SAMSN1: variants seen among roughly 807,000 people sequenced by gnomAD.
SAMSN1 encodes SAM domain, SH3 domain and nuclear localization signals 1.
A neutral mutation model predicts 42.0 loss-of-function variants in SAMSN1; 31 were observed. That is an observed-to-expected ratio of 0.74 (90% CI 0.55 to 1.00). The LOEUF is 1.00. Ranked by LOEUF, SAMSN1 falls within the 50% of genes least tolerant of loss-of-function variation. The probability of loss-of-function intolerance (pLI) is 0.00; values close to 1 mark genes in which losing one functional copy is unlikely to be tolerated. For synonymous variants in SAMSN1, 178 were observed against 151.9 expected (o/e 1.17, Z -1.26); for missense variants, 464 against 439.4 (o/e 1.06, Z -0.50).
intron 2 of SAMSN1, among the ~76,000 whole-genome samples, chr21:14,574,874 G>A (rs1434180479): frequency 6.6e-6 from 1 of 151,958 alleles, no homozygotes; most frequent in Non-Finnish European, 1.5e-5. Context: ...TATTCTACAA[G>A]CTCTTCTTTA....
chr21:14,520,461 T>C (rs1978384000), intron 2 of SAMSN1, among the ~76,000 whole-genome samples: 1 of 152,200 alleles, frequency 6.6e-6, no homozygotes, highest in Admixed American at 6.5e-5. Context: ...ACTCAGGAAA[T>C]TTGGAATTGT....
chr21:14,550,660 C>T (rs1003508083), upstream of SAMSN1, among the ~76,000 whole-genome samples: 1 of 152,034 alleles, frequency 6.6e-6, no homozygotes. Context: ...ATTCAACTAA[C>T]AAGGATGAGG....
At chr21:14,575,955 T>C (rs1185873529) in intron 2 of SAMSN1, among the ~76,000 whole-genome samples, 4 of 152,142 alleles carry the variant, frequency 2.6e-5, no homozygotes, top group East Asian at 1.9e-4. Flanking sequence ...ACTTCACTAC[T>C]GTTTATCAAA....
intron 2 of SAMSN1, among the ~76,000 whole-genome samples, chr21:14,557,408 G>A (rs764323896): frequency 3.3e-5 from 5 of 152,150 alleles, no homozygotes; most frequent in Non-Finnish European, 5.9e-5. Context: ...AGGGACAAAG[G>A]TAGAAAGCCT....
At chr21:14,580,666 T>C (rs182600580) in intron 2 of SAMSN1, among the ~76,000 whole-genome samples, 2 of 152,370 alleles carry the variant, frequency 1.3e-5, no homozygotes, top group South Asian at 2.1e-4. Context: ...ATATTTACTA[T>C]GGCACTTTGA....
At chr21:14,556,561 T>C (rs1252460063) in intron 2 of SAMSN1, among the ~76,000 whole-genome samples, 2 of 152,182 alleles carry the variant, frequency 1.3e-5, no homozygotes, top group African/African-American at 4.8e-5. Flanking sequence ...CCTTTTCTTT[T>C]TAACATAAAG....
rs2123623515 is a variant in SAMSN1, at chr21:14,485,639, T to C, written c.*273A>G. On this transcript the variant is annotated 3_prime_UTR_variant, in exon 8 of 8. Coordinates refer to ENST00000400566, the MANE Select transcript of SAMSN1 (RefSeq NM_022136.5). ...GTAAAATAAAGCCAAATAAAGCATATGTCACACATACCAAAGTCTTACATT... is the reference window on the plus strand; with the variant it reads ...GTAAAATAAAGCCAAATAAAGCATACGTCACACATACCAAAGTCTTACATT... The C allele has an allele frequency of 3.7e-6, 1 of 271,456 alleles. No homozygotes were observed. The highest frequency in any genetic ancestry group is 6.5e-5 in the South Asian group (1 of 15,444). 16.8% of individuals were successfully genotyped at this position (271,456 alleles called of 1,614,324 possible). A position where few individuals can be genotyped will look rare whatever the true frequency, so the allele number is the denominator to read the frequency against.
chr21:14,532,216 A>G (rs1217815505), intron 1 of SAMSN1, among the ~76,000 whole-genome samples: 1 of 152,158 alleles, frequency 6.6e-6, no homozygotes, highest in African/African-American at 2.4e-5. Flanking sequence ...AACTGACAGA[A>G]AGTTCTTTTT....
chr21:14,576,428 C>T (rs1011074613), intron 2 of SAMSN1, among the ~76,000 whole-genome samples: 1 of 152,122 alleles, frequency 6.6e-6, no homozygotes, highest in Non-Finnish European at 1.5e-5. Flanking sequence ...CCAGTTACCT[C>T]GTCTGTCTCC....
intron 5 of SAMSN1, among the ~76,000 whole-genome samples, chr21:14,607,629 C>A (rs568942822): frequency 6.6e-6 from 1 of 152,316 alleles, no homozygotes; most frequent in Admixed American, 6.5e-5. Context: ...GCCTTTCTTT[C>A]TTCCTTCTCT....
intron 4 of SAMSN1, among the ~76,000 whole-genome samples, chr21:14,610,760 G>A (rs1438935531): frequency 6.6e-6 from 1 of 152,172 alleles, no homozygotes; most frequent in African/African-American, 2.4e-5. Context: ...CCCCATATCA[G>A]GGAGTTCTAG....
At chr21:14,570,716 C>G (rs1981272807) in intron 2 of SAMSN1, among the ~76,000 whole-genome samples, 1 of 152,172 alleles carries the variant, frequency 6.6e-6, no homozygotes, top group South Asian at 2.1e-4. Flanking sequence ...TAGTTCACGC[C>G]ACCATCATCT....
At chr21:14,506,329 T>C (rs1987403181) in intron 5 of SAMSN1, among the ~76,000 whole-genome samples, 1 of 151,816 alleles carries the variant, frequency 6.6e-6, no homozygotes, top group Non-Finnish European at 1.5e-5. Context: ...TTAGTAAGAA[T>C]TCAAATAAGC....
intron 4 of SAMSN1, chr21:14,612,783 T>C: frequency 1.5e-6 from 1 of 668,560 alleles, no homozygotes; most frequent in Non-Finnish European, 2.8e-6. Context: ...CTTTCATTAA[T>C]CAGTTTTGTT....
chr21:14,641,477 G>C (rs1156648963), intron 2 of SAMSN1, among the ~76,000 whole-genome samples: 1 of 152,122 alleles, frequency 6.6e-6, no homozygotes, highest in Non-Finnish European at 1.5e-5. Context: ...AAGCACAAAA[G>C]ATCTGAGTTT....
At chr21:14,586,635 C>G (rs1981927396), upstream of SAMSN1, among the ~76,000 whole-genome samples, 1 of 152,000 alleles carries the variant, frequency 6.6e-6, no homozygotes, top group African/African-American at 2.4e-5. Flanking sequence ...AAGAATGTGA[C>G]ATAAGAAATG....
intron 2 of SAMSN1, among the ~76,000 whole-genome samples, chr21:14,565,049 C>A (rs1021535188): frequency 6.6e-6 from 1 of 151,956 alleles, no homozygotes; most frequent in Non-Finnish European, 1.5e-5. Context: ...AATCCCAGCA[C>A]TTTGGGAGGC....
In SAMSN1 at chr21:14,572,561, A is replaced by G. The variant is rs1375721441; in HGVS notation, c.261+9575T>C. The stretch of plus-strand genomic sequence containing the variant: ...GCTCTGCCATCATGTGCTGTTTGGG[A>G]TCTCAGGTAATTCACTTAATCTTCA... On this transcript the variant is annotated intron_variant, in intron 2 of 8. Transcript: ENST00000285670. Among the ~76,000 whole-genome samples, 4 of 152,306 alleles carry G rather than the reference A, an allele frequency of 2.6e-5. No individual in the cohort carries two copies. In the East Asian group the frequency reaches 7.7e-4, roughly 29 times the overall value.
At chr21:14,552,576 T>C (rs8132641) in intron 2 of SAMSN1, among the ~76,000 whole-genome samples, 81,788 of 151,866 alleles carry the variant, frequency 0.54, 22,508 homozygotes, top group East Asian at 0.79. Context: ...GAAGAGAAAT[T>C]TGCTGGTGTC....
Sources: gnomAD v4.1 joint callset for allele counts (sites outside exome capture counted in the v4.1 genomes callset) on GRCh38, gnomAD v4.1.1 for gene constraint, MANE v1.5 for transcripts, NCBI Gene and HGNC (gene_info 2026-07-23, HGNC 2026-07-21) for gene names.